SYT9: variants seen among roughly 807,000 people sequenced by gnomAD.
The protein encoded by SYT9 is synaptotagmin-9.
Under a neutral mutation model 48.4 loss-of-function variants are expected in SYT9, and 22 were observed. The ratio of observed to expected loss-of-function variants is 0.45; its 90% CI spans 0.32 to 0.65. The LOEUF (loss-of-function observed/expected upper bound fraction) is 0.65, where lower values mean the gene tolerates loss of function less well. Ranked by LOEUF, SYT9 falls within the 30% of genes least tolerant of loss-of-function variation. The pLI is 0.03. For synonymous variants in SYT9, 265 were observed against 245.0 expected (o/e 1.08, Z -0.76); for missense variants, 577 against 622.0 (o/e 0.93, Z 0.77).
rs1436476023 is a variant in SYT9, at chr11:7,283,190, CATAT to C, written c.146-19844_146-19841del. Reference sequence around the variant, plus strand: ...ACACACACACACACACACAGCCTAACATATATATTTATATATATGTTATATATGT... The same window carrying C: ...ACACACACACACACACACAGCCTAACATATTTATATATATGTTATATATGT... On this transcript the variant is annotated intron_variant, in intron 1 of 6. Coordinates refer to ENST00000318881, the MANE Select transcript of SYT9 (RefSeq NM_175733.4). 2.7e-5 allele frequency among the ~76,000 whole-genome samples: 4 copies of C among 150,494 alleles called. No homozygotes were observed. In the East Asian group the frequency reaches 7.8e-4, roughly 29 times the overall value.
intron 5 of SYT9, among the ~76,000 whole-genome samples, chr11:7,419,253 T>C (rs1040978856): frequency 6.6e-6 from 1 of 152,244 alleles, no homozygotes; most frequent in Non-Finnish European, 1.5e-5. Flanking sequence ...AATCTGATTA[T>C]GTGAGCTCTG....
chr11:7,403,038 T>G (rs899172859), intron 3 of SYT9, among the ~76,000 whole-genome samples: 13 of 152,176 alleles, frequency 8.5e-5, no homozygotes, highest in Admixed American at 3.9e-4. Flanking sequence ...TCCTTTCTTC[T>G]GCTTACTTTA....
At chr11:7,397,031 T>G in intron 3 of SYT9, among the ~76,000 whole-genome samples, 1 of 152,176 alleles carries the variant, frequency 6.6e-6, no homozygotes, top group East Asian at 1.9e-4. Flanking sequence ...TTTTTTGTAT[T>G]TGGCTTTGGG....
At chr11:7,265,436 A>G (rs1848160900) in intron 1 of SYT9, among the ~76,000 whole-genome samples, 1 of 152,270 alleles carries the variant, frequency 6.6e-6, no homozygotes, top group African/African-American at 2.4e-5. Flanking sequence ...ACTTTTGAAG[A>G]CACAACTGCC....
At chr11:7,461,162 TA>T (rs940016955) in intron 6 of SYT9, 1 of 152,082 alleles carries the variant, frequency 6.6e-6, no homozygotes, top group African/African-American at 2.4e-5. Context: ...ATTTCACCCT[TA>T]TCGAATTTTT....
rs1847634707 is a variant in SYT9, at chr11:7,432,850, A to G, written c.1467+12215A>G. On this transcript the variant is annotated intron_variant, in intron 6 of 6. Coordinates refer to ENST00000318881, the MANE Select transcript of SYT9 (RefSeq NM_175733.4). ...GAGACTTTGGACTTTGAACTTCTGA[A>G]TTAATGCTGGAATGACCTAAGACTT... 2.0e-5 allele frequency among the ~76,000 whole-genome samples: 3 copies of G among 151,808 alleles called. No homozygotes were observed. In the South Asian group the frequency reaches 6.3e-4, roughly 32 times the overall value.
intron 3 of SYT9, among the ~76,000 whole-genome samples, chr11:7,339,598 C>T (rs780952750): frequency 7.2e-5 from 11 of 152,096 alleles, no homozygotes; most frequent in African/African-American, 1.9e-4. Flanking sequence ...TCTTATTTCT[C>T]CTTTACTAGG....
In SYT9 at chr11:7,291,135, C is replaced by G. The variant is rs113024477; in HGVS notation, c.146-11904C>G. Among the ~76,000 whole-genome samples, 524 of 152,290 alleles carry G rather than the reference C, an allele frequency of 3.4e-3. 5 individuals carry two copies. The highest frequency in any genetic ancestry group is 0.012 in the African/African-American group (517 of 41,560). ...ACTCATCTGCCACCCTCCAATATCC[C>G]TCTAGGGCCTCCTTTTGGTTGAACT... On this transcript the variant is annotated intron_variant, in intron 1 of 6. Transcript: ENST00000318881.
At chr11:7,465,065 G>A (rs1161422361) in intron 6 of SYT9, among the ~76,000 whole-genome samples, 1 of 152,058 alleles carries the variant, frequency 6.6e-6, no homozygotes, top group Non-Finnish European at 1.5e-5. Context: ...TCCAGCCTGG[G>A]GACAGAGCAA....
intron 3 of SYT9, among the ~76,000 whole-genome samples, chr11:7,406,398 C>A (rs1209449660): frequency 6.6e-6 from 1 of 151,994 alleles, no homozygotes; most frequent in East Asian, 1.9e-4. Context: ...GTTTAGCTCC[C>A]ACATATGAGT....
At chr11:7,437,546 A>G (rs2134128723) in intron 6 of SYT9, 1 of 152,310 alleles carries the variant, frequency 6.6e-6, no homozygotes, top group African/African-American at 2.4e-5. Flanking sequence ...CGACCACTGT[A>G]TTTGGATCCA....
intron 3 of SYT9, among the ~76,000 whole-genome samples, chr11:7,355,200 G>A (rs1849995278): frequency 6.6e-6 from 1 of 152,164 alleles, no homozygotes; most frequent in Admixed American, 6.5e-5. Context: ...TCCTAGATGG[G>A]AGTTTCCCAG....
intron 6 of SYT9, among the ~76,000 whole-genome samples, chr11:7,465,404 G>GT (rs1395987497): frequency 2.5e-4 from 38 of 152,224 alleles, no homozygotes; most frequent in African/African-American, 8.9e-4. Context: ...TGTCAGAATG[G>GT]TTGCTACTCT....
At chr11:7,279,202 A>G (rs914640792) in intron 1 of SYT9, among the ~76,000 whole-genome samples, 23 of 152,190 alleles carry the variant, frequency 1.5e-4, no homozygotes, top group African/African-American at 5.3e-4. Flanking sequence ...AAGCCAATTT[A>G]GCAGATGGTT....
In SYT9 at chr11:7,252,400, C is replaced by A; in HGVS notation, c.145+69C>A. On this transcript the variant is annotated intron_variant, in intron 1 of 6. Transcript: ENST00000318881. This position sits in a 1 kb window ranked among gnomAD's most constrained non-coding sequence, Gnocchi z 6.3. ...GCTGGGACTTGGGGCCGCACCGGGGCCTGAGGCAGAACAGCGACGCGGACT... is the reference window on the plus strand; with the variant it reads ...GCTGGGACTTGGGGCCGCACCGGGGACTGAGGCAGAACAGCGACGCGGACT... 7.4e-7 allele frequency: 1 copy of A among 1,348,100 alleles called. No individual in the cohort carries two copies. The highest frequency in any genetic ancestry group is 9.5e-7 in the Non-Finnish European group (1 of 1,049,520). The allele number at this position is 1,348,100 out of a possible 1,614,324, so 83.5% of individuals were successfully genotyped here. A position where few individuals can be genotyped will look rare whatever the true frequency, so the allele number is the denominator to read the frequency against.
At chr11:7,245,066 G>A (rs1470503167) in intron 1 of SYT9, among the ~76,000 whole-genome samples, 7 of 152,184 alleles carry the variant, frequency 4.6e-5, no homozygotes, top group African/African-American at 1.4e-4. Context: ...TAAAGATACC[G>A]GATATTTGTG....
chr11:7,373,662 A>G (rs1191635882), intron 3 of SYT9, among the ~76,000 whole-genome samples: 1 of 152,156 alleles, frequency 6.6e-6, no homozygotes, highest in Non-Finnish European at 1.5e-5. Context: ...AATAGGTTGA[A>G]CATATGAAAC....
intron 3 of SYT9, among the ~76,000 whole-genome samples, chr11:7,372,681 A>T (rs73397582): frequency 6.6e-6 from 1 of 152,018 alleles, no homozygotes; most frequent in South Asian, 2.1e-4. Context: ...TTATTTTTAT[A>T]TACTTATTCT....
intron 3 of SYT9, among the ~76,000 whole-genome samples, chr11:7,361,168 T>G (rs1301834871): frequency 6.6e-6 from 1 of 151,942 alleles, no homozygotes; most frequent in Non-Finnish European, 1.5e-5. Flanking sequence ...CCTCCCTTAC[T>G]TCTATTTTGT....
Sources: gnomAD v4.1 joint callset for allele counts (sites outside exome capture counted in the v4.1 genomes callset) on GRCh38, gnomAD v4.1.1 for gene constraint, Gnocchi (gnomAD v3.1) non-coding constraint, MANE v1.5 for transcripts, NCBI Gene and HGNC (gene_info 2026-07-23, HGNC 2026-07-21) for gene names.